Variants in GIPC2 observed in about 807,000 individuals in gnomAD.
GIPC2 encodes the protein PDZ domain-containing protein GIPC2.
In GIPC2, 30 loss-of-function variants were observed where a neutral mutation model predicts 30.6. The observed-to-expected ratio is 0.98, with a 90% CI of 0.73 to 1.33. The LOEUF (loss-of-function observed/expected upper bound fraction) is 1.33, where lower values mean the gene tolerates loss of function less well. GIPC2 is among the 40% of genes most tolerant of loss of function. GIPC2 has a pLI of 0.00. For missense variants in GIPC2, 414 were observed against 390.3 expected, an observed-to-expected ratio of 1.06 and a Z score of -0.51; for synonymous variants, 167 against 150.0, an observed-to-expected ratio of 1.11 and a Z score of -0.83.
In GIPC2 at chr1:78,125,869, T is replaced by A; in HGVS notation, c.715-12T>A. ...GTTGTATAATATCTTATTTCTCTCT[T>A]TTTTGATAAAGCCTTCTGAAACCAA... On this transcript the variant is annotated splice_polypyrimidine_tract_variant and intron_variant, in intron 4 of 5. Transcript: ENST00000370759. The A allele has an allele frequency of 2.0e-6, 3 of 1,477,280 alleles. No individual in the cohort carries two copies. Among genetic ancestry groups the A allele is most frequent in the Non-Finnish European group, 2.8e-6 (3 of 1,056,172 alleles). 91.5% of individuals were successfully genotyped at this position (1,477,280 alleles called of 1,614,324 possible).
intron 3 of GIPC2, among the ~76,000 whole-genome samples, chr1:78,103,198 A>C (rs1036769152): frequency 6.6e-6 from 1 of 152,230 alleles, no homozygotes; most frequent in Non-Finnish European, 1.5e-5. Flanking sequence ...CTTACAGTTT[A>C]CATAAAGAGG....
At chr1:78,045,579 T>G, upstream of GIPC2, 4 of 985,452 alleles carry the variant, frequency 4.1e-6, no homozygotes, top group Non-Finnish European at 4.8e-6. Context: ...GTTATGTGAC[T>G]TTCTCTTCCA....
chr1:78,092,002 G>T, intron 2 of GIPC2: 4 of 1,482,088 alleles, frequency 2.7e-6, no homozygotes, highest in Non-Finnish European at 3.8e-6. Flanking sequence ...ACTACATTTT[G>T]TCCATAAGTG....
upstream of GIPC2, chr1:78,045,831 G>C (rs964643307): frequency 7.9e-7 from 1 of 1,258,880 alleles, no homozygotes; most frequent in African/African-American, 1.6e-5. Context: ...TTTACAAGGA[G>C]TAGGGATAAA....
At chr1:78,094,083 A>G (rs1285658049) in intron 2 of GIPC2, among the ~76,000 whole-genome samples, 2 of 152,234 alleles carry the variant, frequency 1.3e-5, no homozygotes, top group South Asian at 2.1e-4. Context: ...ATGAAAAACA[A>G]TAGCATCAAA....
chr1:78,061,995 A>C (rs1015052762), intron 1 of GIPC2, among the ~76,000 whole-genome samples: 2 of 152,190 alleles, frequency 1.3e-5, no homozygotes, highest in Non-Finnish European at 2.9e-5. Context: ...AAGCATTCAG[A>C]ATGTGTATTT....
intron 1 of GIPC2, among the ~76,000 whole-genome samples, chr1:78,060,926 G>A (rs1661381254): frequency 1.3e-5 from 2 of 150,928 alleles, no homozygotes; most frequent in African/African-American, 4.9e-5. Context: ...TCAATTAAGA[G>A]CATATTGTAT....
intron 4 of GIPC2, among the ~76,000 whole-genome samples, chr1:78,122,112 C>G (rs1662694130): frequency 6.6e-6 from 1 of 152,170 alleles, no homozygotes; most frequent in African/African-American, 2.4e-5. Flanking sequence ...TAAGATCTAC[C>G]TGGGGAGGTA....
intron 3 of GIPC2, among the ~76,000 whole-genome samples, chr1:78,116,513 A>T (rs1434668988): frequency 4.3e-5 from 5 of 116,076 alleles, no homozygotes; most frequent in Non-Finnish European, 8.9e-5. Context: ...GCCTCCCCCC[A>T]CTCCACAACA....
In GIPC2 at chr1:78,094,996, T is replaced by C; in HGVS notation, c.471T>C (p.Cys157=). The C allele has an allele frequency of 3.1e-6, 5 of 1,604,876 alleles. No individual in the cohort carries two copies. Among genetic ancestry groups the C allele is most frequent in the Non-Finnish European group, 4.3e-6 (5 of 1,171,620 alleles). ...TTATTGACTCAGTTAAAACAATCTG[T>C]GTTGGGGATCATATTGAATCCATAA... ...GGVIDSVKTI[C]VGDHIESING... Residue 157 remains cysteine (C), a synonymous_variant, in exon 3 of 6, where the codon TGT becomes TGC. Transcript: ENST00000370759.
At position 78,137,576 on chromosome 1, in the gene GIPC2, A is replaced by G. The variant is rs988304316; in HGVS notation, c.*1833A>G. On this transcript the variant is annotated 3_prime_UTR_variant, in exon 6 of 6. Transcript: ENST00000370759. ...AATGATCTTTCTAGAATTTGTGTGT[A>G]AGGTTGTGATATCCATGTACAGCTG... is the stretch of plus-strand genomic sequence containing the variant. 3 of 152,154 alleles carry G rather than the reference A, an allele frequency of 2.0e-5. No homozygotes were observed. The highest frequency in any genetic ancestry group is 7.2e-5 in the African/African-American group (3 of 41,446). The allele number at this position is 152,154 out of a possible 1,614,324, so 9.4% of individuals were successfully genotyped here. A position where few individuals can be genotyped will look rare whatever the true frequency, so the allele number is the denominator to read the frequency against.
At chr1:78,101,313 A>G (rs570349802) in intron 3 of GIPC2, among the ~76,000 whole-genome samples, 2 of 152,332 alleles carry the variant, frequency 1.3e-5, no homozygotes, top group Admixed American at 6.5e-5. Context: ...AATAAAGGCC[A>G]TTAGAAAATG....
chr1:78,045,551 C>T, upstream of GIPC2: 1 of 985,328 alleles, frequency 1.0e-6, no homozygotes, highest in Non-Finnish European at 1.2e-6. Flanking sequence ...ATGAATACAA[C>T]GTAGCACCAA....
chr1:78,124,431 A>G (rs959047957), intron 4 of GIPC2, among the ~76,000 whole-genome samples: 1 of 152,230 alleles, frequency 6.6e-6, no homozygotes, highest in African/African-American at 2.4e-5. Context: ...TACATACAAT[A>G]AAGTTAAAAA....
intron 3 of GIPC2, among the ~76,000 whole-genome samples, chr1:78,114,812 G>C (rs540474303): frequency 1.3e-5 from 2 of 152,178 alleles, no homozygotes; most frequent in Non-Finnish European, 1.5e-5. Context: ...TGATTATGAT[G>C]TGTCAATGTA....
At chr1:78,080,937 A>G in intron 2 of GIPC2, 77 bp downstream of exon 2, 1 of 806,488 alleles carries the variant, frequency 1.2e-6, no homozygotes, top group East Asian at 2.8e-5. Flanking sequence ...AGAAAGTTAG[A>G]AATGATCTTC....
At position 78,135,605 on chromosome 1, in the gene GIPC2, T is replaced by G. The variant is rs1482689629; in HGVS notation, c.810T>G (p.Phe270Leu). 6 of 1,577,806 alleles carry G rather than the reference T, an allele frequency of 3.8e-6. No homozygotes were observed. The highest frequency in any genetic ancestry group is 5.2e-6 in the Non-Finnish European group (6 of 1,156,682). Residue 270 changes from phenylalanine (F) to leucine (L), a missense_variant, in exon 6 of 6, where the codon TTT (phenylalanine) becomes TTG (leucine). By Grantham distance (22) the Phe-to-Leu change is conservative. Transcript: ENST00000370759. The part of the protein sequence containing the change: ...IRDIDLATTM[F>L]EAGKDKVNPD... ...TATTTTTGATAGCCACCACAATGTTTGAAGCTGGAAAGGACAAAGTAAATC... is the reference window on the plus strand; with the variant it reads ...TATTTTTGATAGCCACCACAATGTTGGAAGCTGGAAAGGACAAAGTAAATC...
At chr1:78,132,477 A>G (rs542075722) in intron 5 of GIPC2, among the ~76,000 whole-genome samples, 6 of 152,322 alleles carry the variant, frequency 3.9e-5, no homozygotes, top group African/African-American at 1.4e-4. Flanking sequence ...GACTATGGGC[A>G]TCTTGAAGCA....
chr1:78,110,553 AG>A (rs1662448346), intron 3 of GIPC2, among the ~76,000 whole-genome samples: 1 of 152,230 alleles, frequency 6.6e-6, no homozygotes, highest in African/African-American at 2.4e-5. Context: ...TAAACCTCTC[AG>A]GTAACCCTGT....
Sources: gnomAD v4.1 joint callset for allele counts (sites outside exome capture counted in the v4.1 genomes callset) on GRCh38, gnomAD v4.1.1 for gene constraint, MANE v1.5 for transcripts, NCBI Gene and HGNC (gene_info 2026-07-23, HGNC 2026-07-21) for gene names.